ARHGEF16: variants seen among roughly 807,000 people sequenced by gnomAD.
ARHGEF16 encodes the protein Rho guanine nucleotide exchange factor 16, also known as Rho guanine exchange factor (GEF) 16.
ARHGEF16 carries 59 observed loss-of-function variants against 74.1 expected under a neutral mutation model. The observed-to-expected ratio is 0.80, with a 90% confidence interval of 0.65 to 0.99. ARHGEF16 has a LOEUF of 0.99. ARHGEF16 is among the 50% of genes least tolerant of loss of function. The pLI, the probability that ARHGEF16 is intolerant of heterozygous loss-of-function variation, is 0.00. For synonymous variants in ARHGEF16, 415 were observed against 412.6 expected (o/e 1.01, Z -0.07); for missense variants, 948 against 986.6 (o/e 0.96, Z 0.52).
chr1:3,461,615 G>A (rs931030743), intron 1 of ARHGEF16, among the ~76,000 whole-genome samples: 3 of 152,174 alleles, frequency 2.0e-5, no homozygotes, highest in Non-Finnish European at 2.9e-5. Context: ...CAAGCAGCCC[G>A]GGGCGTGAAA....
chr1:3,467,294 A>G lies in ARHGEF16; in HGVS notation c.761A>G (p.Lys254Arg), dbSNP rs749957365. 8 of 1,550,252 alleles carry G rather than the reference A, an allele frequency of 5.2e-6. No homozygotes were observed. The South Asian group carries it at 9.5e-5, about 18-fold the overall frequency. Residue 254 changes from lysine (K) to arginine (R), a missense_variant, in exon 4 of 15, where the codon AAG becomes AGG. Coordinates refer to ENST00000378378, the MANE Select transcript of ARHGEF16 (RefSeq NM_014448.4). ...AAGGTGGACGCCACCATTGTGGTCA[A>G]GAGCTACCGGCCCGCCCAGGTCACC... The part of the protein sequence containing the change: ...TQKVDATIVV[K>R]SYRPAQVTWS...
chr1:3,455,177 G>T lies in ARHGEF16; in HGVS notation c.-20+366G>T, dbSNP rs79914824. 1.3e-3 allele frequency among the ~76,000 whole-genome samples: 201 copies of T among 152,296 alleles called. 5 individuals carry two copies. In the East Asian group the frequency reaches 0.036, roughly 27 times the overall value. On this transcript the variant is annotated intron_variant, in intron 1 of 14. Coordinates refer to ENST00000378378, the MANE Select transcript of ARHGEF16 (RefSeq NM_014448.4). ...CCGGAACCTGGGTTCAGACTTGAGCGCCGAGGACTCTGGAAGCCCCAGGGA... is the reference window on the plus strand; with the variant it reads ...CCGGAACCTGGGTTCAGACTTGAGCTCCGAGGACTCTGGAAGCCCCAGGGA...
chr1:3,480,418 C>T, intron 14 of ARHGEF16, 30 bp from the exon 15 acceptor site: 1 of 1,610,540 alleles, frequency 6.2e-7, no homozygotes. Context: ...GCCTTCCCCT[C>T]ACCTCCCTCC....
chr1:3,474,239 A>G (rs1452439356), intron 8 of ARHGEF16: 1 of 205,842 alleles, frequency 4.9e-6, no homozygotes, highest in African/African-American at 2.3e-5. Flanking sequence ...ATGCACACAC[A>G]TGCATGCACA....
rs760422960 is a variant in ARHGEF16, at chr1:3,463,165, C to G, written c.81C>G (p.Ala27=). 9 of 1,516,804 alleles carry G rather than the reference C, an allele frequency of 5.9e-6. No homozygotes were observed. The highest frequency in any genetic ancestry group is 4.9e-5 in the East Asian group (2 of 40,412). The allele number at this position is 1,516,804 out of a possible 1,614,324, so 94.0% of individuals were successfully genotyped here. The change falls in exon 2 of 15, where the codon GCC becomes GCG. Residue 27 remains alanine (A), a synonymous_variant. Coordinates refer to ENST00000378378, the MANE Select transcript of ARHGEF16 (RefSeq NM_014448.4). The part of the protein sequence containing the change: ...HRFHSELRLD[A]GGNPASGLPM... ...TCCACTCGGAGCTCCGGCTCGATGCCGGGGGGAACCCAGCCTCCGGGCTCC... is the reference window on the plus strand; with the variant it reads ...TCCACTCGGAGCTCCGGCTCGATGCGGGGGGGAACCCAGCCTCCGGGCTCC...
At chr1:3,457,613 A>G (rs941299547) in intron 1 of ARHGEF16, among the ~76,000 whole-genome samples, 1 of 152,232 alleles carries the variant, frequency 6.6e-6, no homozygotes, top group Non-Finnish European at 1.5e-5. Context: ...CGGCCCACCC[A>G]ACCAACACTG....
intron 11 of ARHGEF16, 129 bp downstream of exon 11, chr1:3,478,155 T>C (rs1639945848): frequency 7.6e-7 from 1 of 1,311,906 alleles, no homozygotes; most frequent in Non-Finnish European, 1.1e-6. Context: ...CGGCTTCCAC[T>C]CGGCACATGC....
In ARHGEF16 at chr1:3,478,610, C is replaced by T. The variant is rs61734742; in HGVS notation, c.1812C>T (p.Ser604=). 1.7e-5 allele frequency: 28 copies of T among 1,604,608 alleles called. No individual in the cohort carries two copies. Among genetic ancestry groups the T allele is most frequent in the African/African-American group, 5.3e-5 (4 of 74,784 alleles). ...RQEQLLLSSD[S]ASDRARWIVA... The stretch of plus-strand genomic sequence containing the variant: ...AGCAGCTCCTGCTCTCCTCGGACTC[C>T]GCGTAAGTGGGCTCCCGGGAGGGCT... Residue 604 remains serine (S), a splice_region_variant and synonymous_variant, in exon 12 of 15, where the codon TCC becomes TCT. Transcript: ENST00000378378.
chr1:3,470,826 G>GCA (rs1639693272), intron 6 of ARHGEF16, among the ~76,000 whole-genome samples: 1 of 148,694 alleles, frequency 6.7e-6, no homozygotes, highest in Admixed American at 6.7e-5. Context: ...GGATGTGTGT[G>GCA]TGGGCAGGGG....
At chr1:3,462,249 T>A (rs572146127) in intron 1 of ARHGEF16, among the ~76,000 whole-genome samples, 1 of 152,144 alleles carries the variant, frequency 6.6e-6, no homozygotes, top group Non-Finnish European at 1.5e-5. Context: ...CATACTGGAC[T>A]CTCGGGCTGG....
Position 3,478,424 on chromosome 1 carries a change from C to T in ARHGEF16, c.1626C>T (p.Ser542=), listed in dbSNP as rs200201965. The part of the protein sequence containing the change: ...NDVLVVTKKK[S]EESYMVQDYA... ...CCACCGACTGCCCGTGTCTCCACAG[C>T]GAGGAGAGCTACATGGTCCAGGACT... Residue 542 remains serine, a splice_region_variant and synonymous_variant, in exon 12 of 15, where the codon AGC becomes AGT. Transcript: ENST00000378378. The T allele has an allele frequency of 9.1e-4, 1,454 of 1,589,844 alleles. 21 individuals carry two copies. In the South Asian group the frequency reaches 0.015, roughly 16 times the overall value.
At chr1:3,459,368 C>T (rs1639340240) in intron 1 of ARHGEF16, among the ~76,000 whole-genome samples, 1 of 152,206 alleles carries the variant, frequency 6.6e-6, no homozygotes, top group African/African-American at 2.4e-5. Flanking sequence ...AGGGCGCTGC[C>T]CGACTCTGGG....
chr1:3,473,354 C>T, intron 7 of ARHGEF16, 39 bp from the exon 8 acceptor site: 1 of 1,573,076 alleles, frequency 6.4e-7, no homozygotes. Context: ...TACAGGCTGG[C>T]CATGCAGAGC....
intron 8 of ARHGEF16, 192 bp downstream of exon 8, chr1:3,473,714 T>C: frequency 5.4e-6 from 5 of 933,392 alleles, no homozygotes; most frequent in Non-Finnish European, 7.9e-6. Flanking sequence ...CCCACAGAGC[T>C]CACTGTGCCG....
Position 3,475,954 on chromosome 1 carries a change from G to A in ARHGEF16, c.1381-16G>A, listed in dbSNP as rs186701920. 8 of 1,548,342 alleles carry A rather than the reference G, an allele frequency of 5.2e-6. No homozygotes were observed. The highest frequency in any genetic ancestry group is 5.2e-6 in the Non-Finnish European group (6 of 1,145,816). On this transcript the variant is annotated splice_polypyrimidine_tract_variant and intron_variant, in intron 9 of 14. Coordinates refer to ENST00000378378, the MANE Select transcript of ARHGEF16 (RefSeq NM_014448.4). ...CCTGTAGCACCAGCCTCTCACACGG[G>A]AACCATGCCCTGCAGCTGGTGAGGC...
chr1:3,480,688 A>G lies in ARHGEF16; in HGVS notation c.*101A>G. On this transcript the variant is annotated 3_prime_UTR_variant, in exon 15 of 15. Coordinates refer to ENST00000378378, the MANE Select transcript of ARHGEF16 (RefSeq NM_014448.4). Reference sequence around the variant, plus strand: ...GGGGAGCTGGTCTCAAGGACCCAGCATGGTTCCCTGGGGCTTCCCAAGAGC... The same window carrying G: ...GGGGAGCTGGTCTCAAGGACCCAGCGTGGTTCCCTGGGGCTTCCCAAGAGC... 6 of 1,451,502 alleles carry G rather than the reference A, an allele frequency of 4.1e-6. No individual in the cohort carries two copies. The highest frequency in any genetic ancestry group is 5.5e-6 in the Non-Finnish European group (6 of 1,085,126). The allele number at this position is 1,451,502 out of a possible 1,614,324, so 89.9% of individuals were successfully genotyped here. A position where few individuals can be genotyped will look rare whatever the true frequency, so the allele number is the denominator to read the frequency against.
chr1:3,476,906 C>T (rs1460915159), intron 10 of ARHGEF16, among the ~76,000 whole-genome samples: 1 of 152,112 alleles, frequency 6.6e-6, no homozygotes, highest in Non-Finnish European at 1.5e-5. Flanking sequence ...GTCGCTGAGC[C>T]CACACCCGTG....
Position 3,469,737 on chromosome 1 carries a change from C to A in ARHGEF16, c.1022+144C>A, listed in dbSNP as rs539387410. 3.3e-6 allele frequency: 4 copies of A among 1,195,830 alleles called. No homozygotes were observed. In the African/African-American group the frequency reaches 4.6e-5, roughly 14 times the overall value. 74.1% of individuals were successfully genotyped at this position (1,195,830 alleles called of 1,614,324 possible). A position where few individuals can be genotyped will look rare whatever the true frequency, so the allele number is the denominator to read the frequency against. ...GGTTTAGAGCAGCTGCTGGCTCCCG[C>A]GGAGTGTGATGACCTCTGAGGGTCC... On this transcript the variant is annotated intron_variant, in intron 6 of 14. Transcript: ENST00000378378.
intron 9 of ARHGEF16, 82 bp from the exon 10 acceptor site, chr1:3,475,888 T>G (rs922922945): frequency 2.2e-6 from 3 of 1,370,014 alleles, no homozygotes. Context: ...GCTGGGCAGG[T>G]GTCCTGGGCA....
Sources: allele counts gnomAD v4.1 joint callset (sites outside exome capture counted in the v4.1 genomes callset), GRCh38; gene constraint gnomAD v4.1.1; transcripts MANE v1.5; gene names NCBI Gene and HGNC (gene_info 2026-07-23, HGNC 2026-07-21).